WFDC1: variants seen among roughly 807,000 people sequenced by gnomAD.
WFDC1 encodes the protein WAP four-disulfide core domain protein 1.
In WFDC1, 39 loss-of-function variants were observed where a neutral mutation model predicts 32.9. The ratio of observed to expected loss-of-function variants is 1.19; its 90% confidence interval spans 0.92 to 1.55. The LOEUF (loss-of-function observed/expected upper bound fraction) is 1.55, where lower values mean the gene tolerates loss of function less well. Among genes scored for constraint, WFDC1 ranks in the 40% most tolerant of loss-of-function variants. WFDC1 has a pLI of 0.00. For missense variants in WFDC1, 386 were observed against 309.5 expected (o/e 1.25, Z -1.85); for synonymous variants, 184 against 137.4 (o/e 1.34, Z -2.37).
rs867346440 is a variant in WFDC1, at chr16:84,323,802, A to G, written c.563-617A>G. Among the ~76,000 whole-genome samples the G allele has an allele frequency of 5.9e-5, 9 of 152,302 alleles. No individual in the cohort carries two copies. The Middle Eastern group carries it at 0.014, about 230-fold the overall frequency. ...GACATTTACTCAACAGTGTGTTGAA[A>G]TTTGGCTTCCAGTTCATCTGTTAAG... On this transcript the variant is annotated intron_variant, in intron 4 of 6. Transcript: ENST00000219454.
Position 84,305,955 on chromosome 16 carries a change from A to G in WFDC1, c.145-7006A>G, listed in dbSNP as rs189831892. Among the ~76,000 whole-genome samples, 5 of 151,964 alleles carry G rather than the reference A, an allele frequency of 3.3e-5. No homozygotes were observed. In the East Asian group the frequency reaches 9.7e-4, roughly 29 times the overall value. On this transcript the variant is annotated intron_variant, in intron 1 of 6. Transcript: ENST00000219454. Reference sequence around the variant, plus strand: ...GAGGCGGAGGTTGCAGTGAGCTGAGATCGTGCCCTTGCACTCCAGCCTGGG... The same window carrying G: ...GAGGCGGAGGTTGCAGTGAGCTGAGGTCGTGCCCTTGCACTCCAGCCTGGG...
intron 1 of WFDC1, among the ~76,000 whole-genome samples, chr16:84,299,639 C>G (rs1463121215): frequency 1.3e-5 from 2 of 152,238 alleles, no homozygotes; most frequent in African/African-American, 4.8e-5. Flanking sequence ...GACAAATCCA[C>G]CGGGTGGGGC....
At chr16:84,317,317 TA>T (rs1908016137) in intron 2 of WFDC1, 1 of 138,902 alleles carries the variant, frequency 7.2e-6, no homozygotes, top group Non-Finnish European at 1.5e-5. Flanking sequence ...AATAAATAAA[TA>T]AATAAATAAA....
intron 2 of WFDC1, chr16:84,317,705 A>G (rs1267518574): frequency 6.5e-6 from 1 of 154,010 alleles, no homozygotes; most frequent in Non-Finnish European, 1.4e-5. Flanking sequence ...CGAACCTAAA[A>G]ATTAAAAAAA....
At position 84,320,047 on chromosome 16, in the gene WFDC1, C is replaced by T. The variant is rs557041360; in HGVS notation, c.562+476C>T. 5.3e-5 allele frequency among the ~76,000 whole-genome samples: 8 copies of T among 152,324 alleles called. No individual in the cohort carries two copies. In the South Asian group the frequency reaches 1.7e-3, roughly 32 times the overall value. ...CGATGGTCAACTTAAGATTGTTAGA[C>T]TTTACGCTGGTGCAGAAGCAACATG... On this transcript the variant is annotated intron_variant, in intron 4 of 6. Coordinates refer to ENST00000219454, the MANE Select transcript of WFDC1 (RefSeq NM_021197.4).
rs1907508716 is a variant in WFDC1 at position 84,309,858 on chromosome 16, G to T, written c.145-3103G>T. Among the ~76,000 whole-genome samples the T allele has an allele frequency of 9.2e-5, 5 of 54,134 alleles. No homozygotes were observed. In the Admixed American group the frequency reaches 1.3e-3, roughly 14 times the overall value. The allele number at this position is 54,134 out of a possible 152,430, so 35.5% of individuals were successfully genotyped here. A position where few individuals can be genotyped will look rare whatever the true frequency, so the allele number is the denominator to read the frequency against. On this transcript the variant is annotated intron_variant, in intron 1 of 6. Transcript: ENST00000219454. The stretch of plus-strand genomic sequence containing the variant: ...GTGCGTGTGTACATGTGTGTGTGGG[G>T]GGGGCGTGCTTGTGTGTGTGTGTGT...
intron 2 of WFDC1, 70 bp downstream of exon 2, chr16:84,313,223 G>A (rs1368208241): frequency 7.5e-5 from 98 of 1,311,596 alleles, no homozygotes; most frequent in Non-Finnish European, 9.2e-5. Flanking sequence ...CGGGGGAGGG[G>A]AAGAAAGGAG....
At chr16:84,305,591 G>A (rs1255389249) in intron 1 of WFDC1, among the ~76,000 whole-genome samples, 2 of 152,208 alleles carry the variant, frequency 1.3e-5, no homozygotes, top group Non-Finnish European at 2.9e-5. Flanking sequence ...GAGATGGTGG[G>A]CGTTCACTAA....
In WFDC1 at chr16:84,302,133, G is replaced by A. The variant is rs1906976449; in HGVS notation, c.144+7018G>A. Among the ~76,000 whole-genome samples, 3 of 152,116 alleles carry A rather than the reference G, an allele frequency of 2.0e-5. No homozygotes were observed. In the South Asian group the frequency reaches 6.2e-4, roughly 32 times the overall value. On this transcript the variant is annotated intron_variant, in intron 1 of 6. Coordinates refer to ENST00000219454, the MANE Select transcript of WFDC1 (RefSeq NM_021197.4). ...ACAAAGGCCACGGGTGTGTGACACTGTTTGGATGCAACGTCCAGAAGAGGC... is the reference window on the plus strand; with the variant it reads ...ACAAAGGCCACGGGTGTGTGACACTATTTGGATGCAACGTCCAGAAGAGGC...
chr16:84,318,611 G>A (rs1017612208), intron 3 of WFDC1: 2 of 412,258 alleles, frequency 4.9e-6, no homozygotes, highest in Non-Finnish European at 9.1e-6. Flanking sequence ...ATGGAGAATT[G>A]AAGGGGAGGG....
At chr16:84,315,823 C>A (rs1407479564) in intron 2 of WFDC1, among the ~76,000 whole-genome samples, 1 of 152,164 alleles carries the variant, frequency 6.6e-6, no homozygotes, top group Non-Finnish European at 1.5e-5. Flanking sequence ...TTCTTCATTG[C>A]CATCTGGATT....
intron 3 of WFDC1, 32 bp from the exon 4 acceptor site, chr16:84,319,399 C>T (rs201755084): frequency 6.2e-7 from 1 of 1,602,794 alleles, no homozygotes; most frequent in East Asian, 2.2e-5. Flanking sequence ...GGGAGTCGGC[C>T]TTCTAGACCC....
chr16:84,310,093 C>T (rs1029191702), intron 1 of WFDC1, among the ~76,000 whole-genome samples: 1 of 152,026 alleles, frequency 6.6e-6, no homozygotes, highest in Non-Finnish European at 1.5e-5. Flanking sequence ...GGAGGAGACA[C>T]AGGAGGCTCG....
chr16:84,311,006 G>T (rs951001635), intron 1 of WFDC1, among the ~76,000 whole-genome samples: 3 of 152,124 alleles, frequency 2.0e-5, no homozygotes, highest in African/African-American at 7.2e-5. Flanking sequence ...AGCCAGGGTG[G>T]TTTTTTTCCA....
chr16:84,316,723 A>G (rs1907970995), intron 2 of WFDC1: 1 of 152,272 alleles, frequency 6.6e-6, no homozygotes, highest in Non-Finnish European at 1.5e-5. Context: ...CATGCCTGTG[A>G]TACCAGCACT....
chr16:84,317,119 C>G (rs1907998177), intron 2 of WFDC1: 1 of 151,628 alleles, frequency 6.6e-6, no homozygotes, highest in Non-Finnish European at 1.5e-5. Flanking sequence ...ATGGCAAAAC[C>G]CCATCTCTAC....
chr16:84,318,449 C>A, intron 3 of WFDC1, 94 bp downstream of exon 3: 4 of 1,234,862 alleles, frequency 3.2e-6, no homozygotes, highest in South Asian at 1.3e-5. Flanking sequence ...GCCGGCTGTC[C>A]CCCATGCACG....
At chr16:84,317,864 A>T (rs1297728898) in intron 2 of WFDC1, 1 of 202,086 alleles carries the variant, frequency 4.9e-6, no homozygotes, top group South Asian at 9.6e-5. Flanking sequence ...TCGCAAAGCC[A>T]TCTAGGGACC....
At position 84,307,055 on chromosome 16, in the gene WFDC1, G is replaced by C. The variant is rs557916922; in HGVS notation, c.145-5906G>C. Among the ~76,000 whole-genome samples the C allele has an allele frequency of 2.8e-4, 42 of 152,278 alleles. 1 individual carries two copies. In the South Asian group the frequency reaches 8.5e-3, roughly 31 times the overall value. On this transcript the variant is annotated intron_variant, in intron 1 of 6. Transcript: ENST00000219454. ...GCCGGGCAGATATGGTGGGTGGGCG[G>C]GGAAAGAGCCAGTGCAAAGGCCCAG...
Sources: gnomAD v4.1 joint callset for allele counts (sites outside exome capture counted in the v4.1 genomes callset) on GRCh38, gnomAD v4.1.1 for gene constraint, MANE v1.5 for transcripts, NCBI Gene and HGNC (gene_info 2026-07-23, HGNC 2026-07-21) for gene names.